IFT52: variants seen among roughly 807,000 people sequenced by gnomAD.
IFT52 encodes intraflagellar transport protein 52 homolog.
In IFT52, 44 loss-of-function variants were observed where a neutral mutation model predicts 54.4. The observed-to-expected ratio is 0.81, with a 90% CI of 0.63 to 1.04. IFT52 has a LOEUF of 1.04. IFT52 is among the 50% of genes least tolerant of loss of function. The pLI is 0.00. For synonymous variants in IFT52, 181 were observed against 185.3 expected, an observed-to-expected ratio of 0.98 and a Z score of 0.19; for missense variants, 452 against 523.6, an observed-to-expected ratio of 0.86 and a Z score of 1.33.
At chr20:43,603,682 T>G in intron 3 of IFT52, 78 bp from the exon 4 acceptor site, 1 of 1,272,352 alleles carries the variant, frequency 7.9e-7, no homozygotes, top group Non-Finnish European at 1.1e-6. Flanking sequence ...ATTTTTCATC[T>G]AGTTAAGGTC....
At chr20:43,610,939 A>C (rs1177827518) in intron 6 of IFT52, among the ~76,000 whole-genome samples, 1 of 152,188 alleles carries the variant, frequency 6.6e-6, no homozygotes, top group Non-Finnish European at 1.5e-5. Context: ...TAGTGGGGAT[A>C]ATGTTAACCT....
intron 6 of IFT52, among the ~76,000 whole-genome samples, chr20:43,611,158 G>A (rs6073148): frequency 6.6e-6 from 1 of 152,022 alleles, no homozygotes; most frequent in Non-Finnish European, 1.5e-5. Flanking sequence ...CTTGCTTTGA[G>A]GTATCTTTGC....
chr20:43,594,236 A>G (rs915453046), intron 1 of IFT52, among the ~76,000 whole-genome samples: 1 of 152,114 alleles, frequency 6.6e-6, no homozygotes, highest in Non-Finnish European at 1.5e-5. Flanking sequence ...TGAACCCGGG[A>G]GATGGAGGTT....
intron 3 of IFT52, among the ~76,000 whole-genome samples, chr20:43,596,846 A>G (rs1031844235): frequency 2.0e-5 from 3 of 147,990 alleles, no homozygotes; most frequent in Non-Finnish European, 4.4e-5. Context: ...GGTTCAAGCA[A>G]TTCTCACTGC....
At chr20:43,601,430 C>G (rs1401531355) in intron 3 of IFT52, among the ~76,000 whole-genome samples, 4 of 152,202 alleles carry the variant, frequency 2.6e-5, no homozygotes, top group Admixed American at 6.5e-5. Context: ...AATATCCATT[C>G]TTTTGTTAGA....
At position 43,646,956 on chromosome 20, in the gene IFT52, T is replaced by C; in HGVS notation, c.1287T>C (p.Ser429=). ...TCCAGGAACATGACATCGATACAAG[T>C]GAAACAGCATTCCAGAACAATTTCT... The part of the protein sequence containing the change: ...KLNQEHDIDT[S]ETAFQNNF Residue 429 remains serine (S), a synonymous_variant, in exon 14 of 14, where the codon AGT becomes AGC. Transcript: ENST00000373030. 6.2e-7 allele frequency: 1 copy of C among 1,613,894 alleles called. No homozygotes were observed. Among genetic ancestry groups the C allele is most frequent in the Non-Finnish European group, 8.5e-7 (1 of 1,179,812 alleles).
In IFT52 at chr20:43,647,039, T is replaced by G; in HGVS notation, c.*56T>G. ...CCTGATTCTCTCTTTGTAAACTATT[T>G]TCAAATTGTTTTTCAACTCCTTATC... On this transcript the variant is annotated 3_prime_UTR_variant, in exon 14 of 14. Transcript: ENST00000373030. 1.3e-6 allele frequency: 2 copies of G among 1,486,716 alleles called. No individual in the cohort carries two copies. Among genetic ancestry groups the G allele is most frequent in the Middle Eastern group, 1.7e-4 (1 of 5,846 alleles). The allele number at this position is 1,486,716 out of a possible 1,614,324, so 92.1% of individuals were successfully genotyped here.
intron 9 of IFT52, chr20:43,621,157 G>A (rs1984272713): frequency 2.9e-6 from 1 of 340,690 alleles, no homozygotes; most frequent in African/African-American, 2.1e-5. Context: ...CATACAGTAT[G>A]TATATAAATT....
intron 10 of IFT52, among the ~76,000 whole-genome samples, chr20:43,630,382 T>C (rs565809268): frequency 8.7e-4 from 133 of 152,296 alleles, no homozygotes; most frequent in Non-Finnish European, 8.4e-4. Context: ...AGTCAAATAG[T>C]GGATGTTTCA....
intron 2 of IFT52, among the ~76,000 whole-genome samples, chr20:43,595,338 A>AT (rs1981861258): frequency 7.7e-6 from 1 of 129,826 alleles, no homozygotes; most frequent in Non-Finnish European, 1.7e-5. Flanking sequence ...AAAAAAAAAA[A>AT]GAAAGATCAA....
intron 2 of IFT52, among the ~76,000 whole-genome samples, chr20:43,595,480 C>T (rs912318835): frequency 7.2e-5 from 11 of 152,060 alleles, no homozygotes; most frequent in Admixed American, 5.2e-4. Context: ...ATCCAGGAGG[C>T]GGAGGTTACA....
At chr20:43,640,776 C>T (rs927506638) in intron 12 of IFT52, among the ~76,000 whole-genome samples, 1 of 152,152 alleles carries the variant, frequency 6.6e-6, no homozygotes, top group African/African-American at 2.4e-5. Flanking sequence ...TGGCTCATGC[C>T]TATAAGCCCA....
intron 6 of IFT52, among the ~76,000 whole-genome samples, chr20:43,612,984 C>T (rs2145619406): frequency 6.6e-6 from 1 of 152,242 alleles, no homozygotes; most frequent in Non-Finnish European, 1.5e-5. Flanking sequence ...TGCACCCCAC[C>T]TTTGCTCCTC....
intron 6 of IFT52, among the ~76,000 whole-genome samples, chr20:43,607,607 G>C (rs1486929746): frequency 1.4e-5 from 2 of 142,798 alleles, no homozygotes; most frequent in Non-Finnish European, 3.0e-5. Context: ...CTTCCTAAAT[G>C]GGATGGCATC....
At chr20:43,621,243 T>G (rs1984278700) in intron 9 of IFT52, among the ~76,000 whole-genome samples, 1 of 152,226 alleles carries the variant, frequency 6.6e-6, no homozygotes, top group Admixed American at 6.5e-5. Context: ...TTCAGAAATC[T>G]GAAATTTTCT....
chr20:43,631,292 A>G lies in IFT52; in HGVS notation c.924-4634A>G, dbSNP rs714997. On this transcript the variant is annotated intron_variant, in intron 10 of 13. Transcript: ENST00000373030. Reference sequence around the variant, plus strand: ...GCCTAACACAGGGTTGGCATAATACATGGCATATAGCAGGTGCTTGATAAA... The same window carrying G: ...GCCTAACACAGGGTTGGCATAATACGTGGCATATAGCAGGTGCTTGATAAA... Among the ~76,000 whole-genome samples the G allele has an allele frequency of 5.9e-3, 895 of 152,348 alleles. 5 individuals are homozygous for G. Among genetic ancestry groups the G allele is most frequent in the South Asian group, 0.011 (54 of 4,824 alleles).
chr20:43,604,050 C>A, intron 4 of IFT52, 133 bp from the exon 5 acceptor site: 1 of 947,358 alleles, frequency 1.1e-6, no homozygotes, highest in Non-Finnish European at 1.7e-6. Flanking sequence ...TAGGCTTGGG[C>A]TGCTTCCATT....
At chr20:43,597,234 G>A (rs1343593763) in intron 3 of IFT52, among the ~76,000 whole-genome samples, 1 of 151,700 alleles carries the variant, frequency 6.6e-6, no homozygotes, top group African/African-American at 2.4e-5. Flanking sequence ...AGCCAGGCGT[G>A]GTGGCGCATT....
At chr20:43,603,735 T>C (rs1357572689) in intron 3 of IFT52, 25 bp from the exon 4 acceptor site, 4 of 1,606,772 alleles carry the variant, frequency 2.5e-6, no homozygotes, top group Admixed American at 1.7e-5. Flanking sequence ...AGTATATTCA[T>C]AGATTGCTTT....
Sources: gnomAD v4.1 joint callset for allele counts (sites outside exome capture counted in the v4.1 genomes callset) on GRCh38, gnomAD v4.1.1 for gene constraint, MANE v1.5 for transcripts, NCBI Gene and HGNC (gene_info 2026-07-23, HGNC 2026-07-21) for gene names.